The following FBXL17 variants were observed in gnomAD, a reference collection of about 807,000 sequenced individuals.
FBXL17 encodes the protein F-box and leucine rich repeat protein 17, also known as F-box/LRR-repeat protein 17.
FBXL17 carries 22 observed loss-of-function variants against 66.2 expected under a neutral mutation model. That is an observed-to-expected ratio of 0.33 (90% CI 0.24 to 0.47). The LOEUF (loss-of-function observed/expected upper bound fraction) is 0.47. Among genes scored for constraint, FBXL17 ranks in the 20% least tolerant of loss-of-function variants. The pLI is 1.00. For missense variants in FBXL17, 878 were observed against 948.2 expected (o/e 0.93, Z 0.97); for synonymous variants, 474 against 400.5 (o/e 1.18, Z -2.19).
intron 4 of FBXL17, among the ~76,000 whole-genome samples, chr5:108,335,750 T>A (rs1198455509): frequency 6.6e-6 from 1 of 152,174 alleles, no homozygotes; most frequent in African/African-American, 2.4e-5. Flanking sequence ...AAAAACCCTG[T>A]TTTTGACTGT....
intron 6 of FBXL17, among the ~76,000 whole-genome samples, chr5:108,151,854 A>G (rs979828835): frequency 2.0e-5 from 3 of 152,198 alleles, no homozygotes; most frequent in Non-Finnish European, 2.9e-5. Context: ...CTCCAATGAC[A>G]TTCTTTATTC....
At position 107,942,575 on chromosome 5, in the gene FBXL17, T is replaced by A. The variant is rs564381560; in HGVS notation, c.1823-61396A>T. On this transcript the variant is annotated intron_variant, in intron 7 of 8. Transcript: ENST00000542267. Reference sequence around the variant, plus strand: ...AAGGGAGAGAACCAGGACATTTGGCTGGAGCTTTTTCCACTTAACTCAATC... The same window carrying A: ...AAGGGAGAGAACCAGGACATTTGGCAGGAGCTTTTTCCACTTAACTCAATC... 2.6e-5 allele frequency among the ~76,000 whole-genome samples: 4 copies of A among 152,282 alleles called. No individual in the cohort carries two copies. In the East Asian group the frequency reaches 7.7e-4, roughly 29 times the overall value.
chr5:108,190,221 T>G (rs564794361), intron 5 of FBXL17, among the ~76,000 whole-genome samples: 1 of 152,340 alleles, frequency 6.6e-6, no homozygotes, highest in South Asian at 2.1e-4. Context: ...AAGCTCTCTG[T>G]CCCTCTTCAG....
At chr5:107,975,933 A>G (rs572266537) in intron 7 of FBXL17, among the ~76,000 whole-genome samples, 2 of 145,182 alleles carry the variant, frequency 1.4e-5, no homozygotes, top group Non-Finnish European at 3.0e-5. Context: ...ATCTTGCCTC[A>G]CTGCAACCTC....
chr5:108,205,325 C>T (rs1035695895), intron 5 of FBXL17, among the ~76,000 whole-genome samples: 1 of 152,062 alleles, frequency 6.6e-6, no homozygotes, highest in Non-Finnish European at 1.5e-5. Flanking sequence ...TGTCATTTTA[C>T]CAGTAAATAA....
At chr5:108,335,202 TA>T (rs1760319173) in intron 4 of FBXL17, among the ~76,000 whole-genome samples, 1 of 151,516 alleles carries the variant, frequency 6.6e-6, no homozygotes, top group Non-Finnish European at 1.5e-5. Context: ...TTCTTGAATA[TA>T]AATATTTTCA....
At chr5:108,041,468 G>A (rs1301985836) in intron 6 of FBXL17, among the ~76,000 whole-genome samples, 3 of 152,096 alleles carry the variant, frequency 2.0e-5, no homozygotes, top group Non-Finnish European at 4.4e-5. Flanking sequence ...CCAGGCCGGA[G>A]AGCAGTGGCG....
chr5:108,246,435 T>C (rs1756100093), intron 4 of FBXL17, among the ~76,000 whole-genome samples: 1 of 152,300 alleles, frequency 6.6e-6, no homozygotes, highest in East Asian at 1.9e-4. Context: ...AAGGATCACT[T>C]GAGCCCAGGA....
intron 6 of FBXL17, among the ~76,000 whole-genome samples, chr5:108,066,884 T>C (rs933217544): frequency 6.6e-6 from 1 of 152,026 alleles, no homozygotes; most frequent in African/African-American, 2.4e-5. Flanking sequence ...GAAAATTCTA[T>C]CTGAAATTAA....
intron 7 of FBXL17, among the ~76,000 whole-genome samples, chr5:107,997,029 T>C (rs1181149933): frequency 1.3e-5 from 2 of 152,228 alleles, no homozygotes; most frequent in Non-Finnish European, 2.9e-5. Context: ...ATATCAGGGC[T>C]GAGACTGGAA....
intron 6 of FBXL17, among the ~76,000 whole-genome samples, chr5:108,112,432 T>G (rs1301342617): frequency 6.6e-6 from 1 of 152,144 alleles, no homozygotes. Flanking sequence ...TAAACACTGT[T>G]CAGGATTTAC....
intron 7 of FBXL17, among the ~76,000 whole-genome samples, chr5:107,895,289 G>A (rs1265444258): frequency 6.6e-6 from 1 of 151,948 alleles, no homozygotes; most frequent in Non-Finnish European, 1.5e-5. Flanking sequence ...TGCCTGGGAA[G>A]GAACAACATG....
At chr5:108,303,359 TAA>T (rs1163505233) in intron 4 of FBXL17, among the ~76,000 whole-genome samples, 1 of 100,028 alleles carries the variant, frequency 1.0e-5, no homozygotes, top group Admixed American at 1.1e-4. Flanking sequence ...CACACAGGCA[TAA>T]ACACACACAC....
chr5:108,316,458 A>G (rs1258016754), intron 4 of FBXL17, among the ~76,000 whole-genome samples: 2 of 151,472 alleles, frequency 1.3e-5, no homozygotes, highest in Non-Finnish European at 1.5e-5. Context: ...CTTTTAAAAC[A>G]CAAGTGCTAG....
At chr5:107,862,658 C>A (rs1748159379) in intron 8 of FBXL17, among the ~76,000 whole-genome samples, 1 of 152,156 alleles carries the variant, frequency 6.6e-6, no homozygotes, top group Admixed American at 6.6e-5. Flanking sequence ...TATTTAAAAT[C>A]TTTATTGAAC....
chr5:108,375,595 GAGT>G (rs1194648715), intron 1 of FBXL17, among the ~76,000 whole-genome samples: 1 of 152,038 alleles, frequency 6.6e-6, no homozygotes, highest in Admixed American at 6.6e-5. Flanking sequence ...TAGAAAATCT[GAGT>G]AGATGTACAG....
intron 4 of FBXL17, among the ~76,000 whole-genome samples, chr5:108,286,587 G>C (rs115468845): frequency 1.5e-3 from 227 of 152,086 alleles, no homozygotes; most frequent in African/African-American, 5.3e-3. Context: ...GCTAACCAGA[G>C]AGGTGAAGGA....
At chr5:107,954,843 G>T (rs1334225595) in intron 7 of FBXL17, among the ~76,000 whole-genome samples, 1 of 152,052 alleles carries the variant, frequency 6.6e-6, no homozygotes, top group African/African-American at 2.4e-5. Flanking sequence ...GAAGGTTATA[G>T]GAAATTCCTA....
intron 4 of FBXL17, among the ~76,000 whole-genome samples, chr5:108,272,310 T>A (rs1757308505): frequency 6.7e-6 from 1 of 150,352 alleles, no homozygotes; most frequent in Non-Finnish European, 1.5e-5. Flanking sequence ...AATAAATAAA[T>A]AAAAATTAAA....
Sources: allele counts gnomAD v4.1 joint callset (sites outside exome capture counted in the v4.1 genomes callset), GRCh38; gene constraint gnomAD v4.1.1; transcripts MANE v1.5; gene names NCBI Gene and HGNC (gene_info 2026-07-23, HGNC 2026-07-21).